The following DCC variants were observed in gnomAD, a reference collection of about 807,000 sequenced individuals.
The protein encoded by DCC is DCC netrin 1 receptor.
In DCC, 58 loss-of-function variants were observed where a neutral mutation model predicts 172.5. The observed-to-expected ratio is 0.34, with a 90% CI of 0.27 to 0.42. The LOEUF is 0.42. Among genes scored for constraint, DCC ranks in the 10% least tolerant of loss-of-function variants. The pLI is 1.00. For missense variants in DCC, 1,740 were observed against 1,791.0 expected, an observed-to-expected ratio of 0.97 and a Z score of 0.51; for synonymous variants, 709 against 644.5, an observed-to-expected ratio of 1.10 and a Z score of -1.52.
chr18:53,190,520 G>A (rs1016251244), intron 9 of DCC, among the ~76,000 whole-genome samples: 1 of 150,400 alleles, frequency 6.6e-6, no homozygotes, highest in Non-Finnish European at 1.5e-5. Context: ...ACTAAGATTA[G>A]CCATGATCGT....
chr18:53,377,389 G>GAGAGAGAGAGAGAGAGAGA (rs56300801), intron 15 of DCC, among the ~76,000 whole-genome samples: 10 of 148,030 alleles, frequency 6.8e-5, no homozygotes, highest in African/African-American at 2.3e-4. Flanking sequence ...GAGAGAGAGA[G>GAGAGAGAGAGAGAGAGAGA]GAAGAAGGCC....
intron 1 of DCC, among the ~76,000 whole-genome samples, chr18:52,471,754 C>T (rs1281250951): frequency 6.6e-5 from 10 of 152,188 alleles, no homozygotes; most frequent in Admixed American, 6.5e-4. Context: ...ATAAGCCTTA[C>T]AGAGGCTTTT....
chr18:53,228,747 G>A (rs2056077412), intron 12 of DCC, among the ~76,000 whole-genome samples: 1 of 152,090 alleles, frequency 6.6e-6, no homozygotes, highest in Admixed American at 6.6e-5. Context: ...AGGAAAAGTT[G>A]AGGGGCCCCA....
intron 1 of DCC, among the ~76,000 whole-genome samples, chr18:52,530,850 T>A (rs1029827730): frequency 2.0e-5 from 3 of 152,188 alleles, no homozygotes; most frequent in Non-Finnish European, 4.4e-5. Flanking sequence ...TGAGAGAAGA[T>A]GCCTATGTCA....
intron 1 of DCC, among the ~76,000 whole-genome samples, chr18:52,726,742 T>C (rs2036557428): frequency 6.6e-6 from 1 of 152,206 alleles, no homozygotes; most frequent in East Asian, 1.9e-4. Flanking sequence ...GATGAATGAC[T>C]ATGGCCAAGC....
chr18:52,403,956 T>G (rs1986538768), intron 1 of DCC, among the ~76,000 whole-genome samples: 1 of 152,064 alleles, frequency 6.6e-6, no homozygotes, highest in Non-Finnish European at 1.5e-5. Flanking sequence ...CATGGGCAAT[T>G]AGTAAGCATT....
At chr18:52,639,915 A>G (rs541462395) in intron 1 of DCC, among the ~76,000 whole-genome samples, 1 of 152,290 alleles carries the variant, frequency 6.6e-6, no homozygotes, top group African/African-American at 2.4e-5. Flanking sequence ...TAACCAAAAA[A>G]GAAAACTACA....
intron 22 of DCC, among the ~76,000 whole-genome samples, chr18:53,442,152 A>C (rs1224508005): frequency 2.6e-5 from 4 of 152,174 alleles, no homozygotes; most frequent in African/African-American, 9.7e-5. Flanking sequence ...TTATAATTGT[A>C]ATTTTATACA....
intron 1 of DCC, among the ~76,000 whole-genome samples, chr18:52,613,807 C>T (rs1298014082): frequency 6.6e-6 from 1 of 152,104 alleles, no homozygotes; most frequent in Non-Finnish European, 1.5e-5. Flanking sequence ...TGGGTATTCG[C>T]TGAGAGCAAA....
At chr18:53,379,129 C>T (rs1231493735) in intron 15 of DCC, among the ~76,000 whole-genome samples, 1 of 152,244 alleles carries the variant, frequency 6.6e-6, no homozygotes, top group Non-Finnish European at 1.5e-5. Context: ...CGTCTGACAG[C>T]AATCCCATGG....
chr18:53,233,444 T>C (rs2056153069), intron 12 of DCC, among the ~76,000 whole-genome samples: 1 of 152,236 alleles, frequency 6.6e-6, no homozygotes, highest in South Asian at 2.1e-4. Flanking sequence ...AGTCTTTCTA[T>C]ACACTTTTTC....
chr18:52,781,021 C>T (rs574697970), intron 2 of DCC, among the ~76,000 whole-genome samples: 2 of 152,220 alleles, frequency 1.3e-5, no homozygotes, highest in East Asian at 3.9e-4. Flanking sequence ...AAATTTATTT[C>T]ATCAAAGTTT....
intron 1 of DCC, among the ~76,000 whole-genome samples, chr18:52,680,241 C>T (rs1028189878): frequency 6.6e-6 from 1 of 151,952 alleles, no homozygotes; most frequent in African/African-American, 2.4e-5. Flanking sequence ...CAGAGCATAG[C>T]GAGAGTGTTT....
At chr18:53,380,403 G>T (rs1907627022) in intron 15 of DCC, among the ~76,000 whole-genome samples, 1 of 152,054 alleles carries the variant, frequency 6.6e-6, no homozygotes, top group Non-Finnish European at 1.5e-5. Context: ...CAATATAAAA[G>T]GATATCAAAG....
chr18:52,821,018 C>T (rs760250184), intron 2 of DCC, among the ~76,000 whole-genome samples: 11 of 152,138 alleles, frequency 7.2e-5, no homozygotes, highest in Non-Finnish European at 1.3e-4. Flanking sequence ...TGTTTTCGTG[C>T]TGAATTTGTT....
intron 12 of DCC, among the ~76,000 whole-genome samples, chr18:53,297,774 C>A (rs1222857861): frequency 1.3e-5 from 2 of 152,160 alleles, no homozygotes; most frequent in Non-Finnish European, 2.9e-5. Context: ...CATTTAACTT[C>A]CTAAAACACA....
intron 7 of DCC, among the ~76,000 whole-genome samples, chr18:53,099,461 A>G (rs976319826): frequency 2.0e-4 from 30 of 152,126 alleles, no homozygotes; most frequent in Non-Finnish European, 3.7e-4. Flanking sequence ...AAATGATGCA[A>G]GCACATGGAG....
intron 1 of DCC, among the ~76,000 whole-genome samples, chr18:52,642,589 A>C (rs1295524505): frequency 6.6e-6 from 1 of 152,000 alleles, no homozygotes; most frequent in Admixed American, 6.5e-5. Context: ...CTCAGGAAAT[A>C]TTTTTTGCTC....
intron 1 of DCC, among the ~76,000 whole-genome samples, chr18:52,384,563 C>A (rs1985715405): frequency 6.6e-6 from 1 of 152,094 alleles, no homozygotes; most frequent in Non-Finnish European, 1.5e-5. Flanking sequence ...GTAACAAAAG[C>A]TTTTGCTGTT....
Sources: allele counts gnomAD v4.1 joint callset (sites outside exome capture counted in the v4.1 genomes callset), GRCh38; gene constraint gnomAD v4.1.1; transcripts MANE v1.5; gene names NCBI Gene and HGNC (gene_info 2026-07-23, HGNC 2026-07-21).